Variants in ITPR1 observed in about 807,000 individuals in gnomAD.
ITPR1 encodes the protein inositol 1,4,5-trisphosphate-gated calcium channel ITPR1.
Under a neutral mutation model 318.4 loss-of-function variants are expected in ITPR1, and 96 were observed. The observed-to-expected ratio is 0.30, with a 90% CI of 0.26 to 0.36. The LOEUF (loss-of-function observed/expected upper bound fraction) is 0.36. Among genes scored for constraint, ITPR1 ranks in the 10% least tolerant of loss-of-function variants. The pLI is 1.00. For missense variants in ITPR1, 2,440 were observed against 3,460.2 expected (o/e 0.71, Z 7.40); for synonymous variants, 1,312 against 1,289.9 (o/e 1.02, Z -0.37).
At chr3:4,749,821 C>T (rs1055782108) in intron 44 of ITPR1, 1 of 152,670 alleles carries the variant, frequency 6.6e-6, no homozygotes, top group Non-Finnish European at 1.5e-5. Flanking sequence ...TAAGCACGTG[C>T]TCCTTTTTAA....
intron 61 of ITPR1, among the ~76,000 whole-genome samples, chr3:4,844,296 T>C (rs1018910111): frequency 3.3e-5 from 5 of 151,980 alleles, no homozygotes; most frequent in East Asian, 3.9e-4. Flanking sequence ...TAATTTTTTT[T>C]CCCCTTTGGT....
chr3:4,603,753 C>G (rs1330951210), intron 4 of ITPR1, among the ~76,000 whole-genome samples: 2 of 152,140 alleles, frequency 1.3e-5, no homozygotes, highest in African/African-American at 2.4e-5. Context: ...TGACAGGGCA[C>G]CTGGGTCAAT....
intron 4 of ITPR1, among the ~76,000 whole-genome samples, chr3:4,570,794 A>G (rs944999518): frequency 1.3e-5 from 2 of 152,222 alleles, no homozygotes; most frequent in South Asian, 4.1e-4. Context: ...ATGGATCAGA[A>G]GAAAGTTGAT....
At chr3:4,842,034 A>G (rs2051382862) in intron 61 of ITPR1, among the ~76,000 whole-genome samples, 1 of 152,238 alleles carries the variant, frequency 6.6e-6, no homozygotes, top group Non-Finnish European at 1.5e-5. Context: ...TTCAAAGACT[A>G]TTAAGATGTG....
intron 33 of ITPR1, among the ~76,000 whole-genome samples, chr3:4,693,985 T>C (rs1187486938): frequency 2.6e-5 from 4 of 152,248 alleles, no homozygotes; most frequent in Non-Finnish European, 4.4e-5. Flanking sequence ...GAAAAAAGCT[T>C]CAGCTCTGTG....
intron 60 of ITPR1, among the ~76,000 whole-genome samples, chr3:4,829,062 A>G (rs534273807): frequency 1.3e-5 from 2 of 152,348 alleles, no homozygotes; most frequent in South Asian, 4.1e-4. Flanking sequence ...CTGATTTATA[A>G]TACTTTTGCA....
chr3:4,747,776 G>T (rs529501924), intron 44 of ITPR1, among the ~76,000 whole-genome samples: 1 of 152,312 alleles, frequency 6.6e-6, no homozygotes, highest in South Asian at 2.1e-4. Context: ...CTGTCCTACA[G>T]AACTTCCTCA....
In ITPR1 at chr3:4,735,283, A is replaced by T. The variant is rs533278808; in HGVS notation, c.5473A>T (p.Ser1825Cys). 1.9e-5 allele frequency: 31 copies of T among 1,614,004 alleles called. No homozygotes were observed. The East Asian group carries it at 6.7e-4, about 35-fold the overall frequency. Residue 1825 changes from serine to cysteine, a missense_variant, in exon 44 of 62, where the codon AGT (serine) becomes TGT (cysteine). By Grantham distance (112) the Ser-to-Cys change is moderately radical (BLOSUM62 -1). This residue lies in a region of ITPR1 where 80 missense variants were observed against 122.0 expected (regional missense o/e 0.66). Transcript: ENST00000649015. ...TATCGACCTCATCATGAACGCATCC[A>T]GTGACCGAGTGTTCCATGAAAGCAT... is the stretch of plus-strand genomic sequence containing the variant. ...LVIDLIMNAS[S>C]DRVFHESILL...
chr3:4,656,676 T>C (rs2125180766), intron 12 of ITPR1, among the ~76,000 whole-genome samples: 1 of 152,344 alleles, frequency 6.6e-6, no homozygotes. Flanking sequence ...AGTTAGATTC[T>C]CCCAGGCTCT....
intron 4 of ITPR1, among the ~76,000 whole-genome samples, chr3:4,603,402 A>C (rs923623176): frequency 4.6e-5 from 7 of 151,424 alleles, no homozygotes; most frequent in Admixed American, 4.6e-4. Flanking sequence ...TATGTACCAC[A>C]TTTTCTTTTC....
At chr3:4,606,628 A>C (rs2091724546) in intron 4 of ITPR1, among the ~76,000 whole-genome samples, 1 of 152,138 alleles carries the variant, frequency 6.6e-6, no homozygotes, top group African/African-American at 2.4e-5. Flanking sequence ...AGGAGCAGGT[A>C]GCGGAATGTT....
chr3:4,571,434 G>A (rs761200058), intron 4 of ITPR1, among the ~76,000 whole-genome samples: 1 of 152,006 alleles, frequency 6.6e-6, no homozygotes, highest in Non-Finnish European at 1.5e-5. Context: ...TTGACCTCTG[G>A]GGCTCAAGCA....
Position 4,699,931 on chromosome 3 carries a change from C to A in ITPR1, c.4526C>A (p.Thr1509Lys). 1 of 1,613,114 alleles carries A rather than the reference C, an allele frequency of 6.2e-7. No homozygotes were observed. Among genetic ancestry groups the A allele is most frequent in the Non-Finnish European group, 8.5e-7 (1 of 1,179,218 alleles). ...FFSSPFSDQS[T>K]TLQTRQPVFV... ...AGCTCTCCCTTCTCAGACCAGAGTACGACTTTGCAGGTAAGAAATAACCAA... is the reference window on the plus strand; with the variant it reads ...AGCTCTCCCTTCTCAGACCAGAGTAAGACTTTGCAGGTAAGAAATAACCAA... The change falls in exon 35 of 62, where the codon ACG becomes AAG. Residue 1509 changes from threonine to lysine, a missense_variant. By Grantham distance (78) the Thr-to-Lys change is moderately conservative. Around this residue, in one of 23 missense-constraint regions of ITPR1, gnomAD observed 166 missense variants for 246.5 expected, o/e 0.67. Transcript: ENST00000649015.
intron 4 of ITPR1, among the ~76,000 whole-genome samples, chr3:4,593,738 C>T (rs77963168): frequency 1.3e-3 from 200 of 152,252 alleles, no homozygotes; most frequent in Middle Eastern, 6.8e-3. Flanking sequence ...GCTAAACAGA[C>T]TTGTATAATA....
intron 24 of ITPR1, 99 bp from the exon 25 acceptor site, chr3:4,680,454 G>T (rs1352339344): frequency 6.8e-6 from 7 of 1,031,692 alleles, no homozygotes; most frequent in African/African-American, 1.6e-5. Flanking sequence ...GGTAATTGAT[G>T]CAGCTGATAC....
intron 3 of ITPR1, among the ~76,000 whole-genome samples, chr3:4,520,574 C>G (rs1271490689): frequency 1.3e-5 from 2 of 152,096 alleles, no homozygotes; most frequent in African/African-American, 4.8e-5. Flanking sequence ...TCTTCCTTCT[C>G]TTACAGCCCT....
intron 59 of ITPR1, chr3:4,817,405 A>G (rs2049375004): frequency 6.6e-6 from 1 of 152,242 alleles, no homozygotes; most frequent in African/African-American, 2.4e-5. Flanking sequence ...GTATATATGT[A>G]TGAAAAAGGA....
At chr3:4,579,381 A>G (rs2089048969) in intron 4 of ITPR1, among the ~76,000 whole-genome samples, 1 of 152,250 alleles carries the variant, frequency 6.6e-6, no homozygotes, top group South Asian at 2.1e-4. Flanking sequence ...TTGTTACTAA[A>G]TGGCTGAATA....
Position 4,516,491 on chromosome 3 carries a change from C to G in ITPR1, c.-1C>G. On this transcript the variant is annotated 5_prime_UTR_variant, in exon 3 of 62. Transcript: ENST00000649015. ...CTTTGTCTAGGATTTTCAAGAAAGA[C>G]ATGTCTGACAAAATGTCTAGCTTCC... is the stretch of plus-strand genomic sequence containing the variant. The G allele has an allele frequency of 6.4e-7, 1 of 1,552,434 alleles. No individual in the cohort carries two copies. Among genetic ancestry groups the G allele is most frequent in the Non-Finnish European group, 8.8e-7 (1 of 1,141,618 alleles).
Sources: gnomAD v4.1 joint callset for allele counts (sites outside exome capture counted in the v4.1 genomes callset) on GRCh38, gnomAD v4.1.1 for gene constraint, gnomAD v4.1.1 regional missense constraint, MANE v1.5 for transcripts, NCBI Gene and HGNC (gene_info 2026-07-23, HGNC 2026-07-21) for gene names.